ZNF440: variants seen among roughly 807,000 people sequenced by gnomAD.
The protein encoded by ZNF440 is zinc finger protein 440.
Under a neutral mutation model 49.7 loss-of-function variants are expected in ZNF440, and 47 were observed. The observed-to-expected ratio is 0.95, with a 90% CI of 0.75 to 1.21. ZNF440 has a LOEUF of 1.21. ZNF440 is among the 50% of genes most tolerant of loss of function. The probability of loss-of-function intolerance (pLI) is 0.00; values close to 1 mark genes in which losing one functional copy is unlikely to be tolerated. For synonymous variants in ZNF440, 255 were observed against 237.7 expected (o/e 1.07, Z -0.67); for missense variants, 703 against 715.0 (o/e 0.98, Z 0.19).
Position 11,815,609 on chromosome 19 carries a change from A to G in ZNF440, c.3+1159A>G, listed in dbSNP as rs146820173. Among the ~76,000 whole-genome samples, 819 of 152,198 alleles carry G rather than the reference A, an allele frequency of 5.4e-3. 3 individuals are homozygous for G. The highest frequency in any genetic ancestry group is 8.0e-3 in the Non-Finnish European group (545 of 68,012). On this transcript the variant is annotated intron_variant, in intron 1 of 3. Coordinates refer to ENST00000304060, the MANE Select transcript of ZNF440 (RefSeq NM_152357.3). ...AAAATTAAACTGAGGTACGTTAACAATTAAAGAGTTTAGGGCCGGGCGCGG... is the reference window on the plus strand; with the variant it reads ...AAAATTAAACTGAGGTACGTTAACAGTTAAAGAGTTTAGGGCCGGGCGCGG...
At position 11,832,922 on chromosome 19, in the gene ZNF440, G is replaced by A. The variant is rs1339530329; in HGVS notation, c.1746G>A (p.Leu582=). The change falls in exon 4 of 4, where the codon CTG becomes CTA. Residue 582 remains leucine (L), a synonymous_variant. Coordinates refer to ENST00000304060, the MANE Select transcript of ZNF440 (RefSeq NM_152357.3). ...GGAATGTGGGAAACCCTTCGGATCT[G>A]CCCAGAACCTTCGAATTCATGAAAG... ...HVRNVGNPSD[L]PRTFEFMKGH... is the part of the protein sequence containing the mutation. The A allele has an allele frequency of 6.2e-7, 1 of 1,610,194 alleles. No homozygotes were observed. Among genetic ancestry groups the A allele is most frequent in the Non-Finnish European group, 8.5e-7 (1 of 1,178,992 alleles).
intron 1 of ZNF440, among the ~76,000 whole-genome samples, chr19:11,823,902 C>T (rs752431896): frequency 3.3e-5 from 5 of 151,852 alleles, no homozygotes; most frequent in African/African-American, 9.7e-5. Flanking sequence ...TCCAAGGTTG[C>T]GGTAAGCCAA....
At chr19:11,821,249 C>T (rs1047684555) in intron 1 of ZNF440, among the ~76,000 whole-genome samples, 8 of 152,064 alleles carry the variant, frequency 5.3e-5, no homozygotes, top group African/African-American at 1.7e-4. Flanking sequence ...GAGTATCAGC[C>T]GGAGTCACTC....
At position 11,832,253 on chromosome 19, in the gene ZNF440, A is replaced by G. The variant is rs1222446339; in HGVS notation, c.1077A>G (p.Glu359=). ...CTGTGAATTCATTTCAAAGACATGA[A>G]AAAATTCACAGTGGAGAGAAACCCT... ...FCSVNSFQRH[E]KIHSGEKPYK... Residue 359 remains glutamate (E), a synonymous_variant, in exon 4 of 4, where the codon GAA becomes GAG. Coordinates refer to ENST00000304060, the MANE Select transcript of ZNF440 (RefSeq NM_152357.3). The G allele has an allele frequency of 2.5e-6, 4 of 1,613,978 alleles. No homozygotes were observed. Among genetic ancestry groups the G allele is most frequent in the Non-Finnish European group, 2.5e-6 (3 of 1,180,012 alleles).
In ZNF440 at chr19:11,832,859, G is replaced by T; in HGVS notation, c.1683G>T (p.Val561=). 6.2e-7 allele frequency: 1 copy of T among 1,612,698 alleles called. No individual in the cohort carries two copies. The highest frequency in any genetic ancestry group is 8.5e-7 in the Non-Finnish European group (1 of 1,178,988). ...ATCTGCCCCACACCTTTGAATACGT[G>T]GTAGGACACACAATGGAGAGAAGCC... is the stretch of plus-strand genomic sequence containing the variant. The part of the protein sequence containing the change: ...PSDLPHTFEY[V]VGHTMERSPM... Residue 561 remains valine (V), a synonymous_variant, in exon 4 of 4, where the codon GTG becomes GTT. Coordinates refer to ENST00000304060, the MANE Select transcript of ZNF440 (RefSeq NM_152357.3).
In ZNF440 at chr19:11,814,386, T is replaced by C. The variant is rs1975705213; in HGVS notation, c.-62T>C. Reference sequence around the variant, plus strand: ...GCTTCTGTCGCTCTGTAACCTGCACTGTGACCTACACTAGTCGCGGGAGCC... The same window carrying C: ...GCTTCTGTCGCTCTGTAACCTGCACCGTGACCTACACTAGTCGCGGGAGCC... On this transcript the variant is annotated 5_prime_UTR_variant, in exon 1 of 4. Coordinates refer to ENST00000304060, the MANE Select transcript of ZNF440 (RefSeq NM_152357.3). 4 of 1,538,300 alleles carry C rather than the reference T, an allele frequency of 2.6e-6. No individual in the cohort carries two copies. In the African/African-American group the frequency reaches 5.7e-5, roughly 22 times the overall value.
chr19:11,815,603 T>C (rs1462513639), intron 1 of ZNF440, among the ~76,000 whole-genome samples: 1 of 151,936 alleles, frequency 6.6e-6, no homozygotes, highest in East Asian at 1.9e-4. Context: ...CTGAGGTACG[T>C]TAACAATTAA....
intron 1 of ZNF440, among the ~76,000 whole-genome samples, chr19:11,822,956 C>T (rs1975817557): frequency 6.6e-6 from 1 of 151,784 alleles, no homozygotes. Context: ...TTCAAAGCTG[C>T]AGTGTTTAGT....
chr19:11,827,631 G>A (rs536490861), intron 1 of ZNF440: 4 of 152,324 alleles, frequency 2.6e-5, no homozygotes, highest in South Asian at 4.1e-4. Context: ...GTTTTGACAA[G>A]TGTGAAATTG....
In ZNF440 at chr19:11,835,078, C is replaced by G. The variant is rs963608273; in HGVS notation, c.*2114C>G. 6.7e-6 allele frequency: 1 copy of G among 149,704 alleles called. No individual in the cohort carries two copies. Among genetic ancestry groups the G allele is most frequent in the South Asian group, 2.1e-4 (1 of 4,720 alleles). 9.3% of individuals were successfully genotyped at this position (149,704 alleles called of 1,614,324 possible). ...TTAAAAAACACAAAAAAAGACTTGGCCTTAGGGCCGAGTGCGGTGGCTCAC... is the reference window on the plus strand; with the variant it reads ...TTAAAAAACACAAAAAAAGACTTGGGCTTAGGGCCGAGTGCGGTGGCTCAC... On this transcript the variant is annotated 3_prime_UTR_variant, in exon 4 of 4. Transcript: ENST00000304060.
chr19:11,831,137 T>G (rs535296730), intron 3 of ZNF440, among the ~76,000 whole-genome samples: 23 of 152,334 alleles, frequency 1.5e-4, no homozygotes, highest in African/African-American at 4.3e-4. Flanking sequence ...TATTTTAAAA[T>G]AGTTTACATG....
intron 1 of ZNF440, among the ~76,000 whole-genome samples, chr19:11,827,009 A>G (rs1474990018): frequency 2.0e-5 from 3 of 150,442 alleles, no homozygotes; most frequent in East Asian, 2.0e-4. Flanking sequence ...GCATCCTGTC[A>G]TATGTTTGTT....
chr19:11,831,653 T>C lies in ZNF440; in HGVS notation c.477T>C (p.Phe159=). 6.2e-7 allele frequency: 1 copy of C among 1,614,152 alleles called. No individual in the cohort carries two copies. The highest frequency in any genetic ancestry group is 8.5e-7 in the Non-Finnish European group (1 of 1,180,000). Residue 159 remains phenylalanine, a synonymous_variant, in exon 4 of 4, where the codon TTT becomes TTC. Coordinates refer to ENST00000304060, the MANE Select transcript of ZNF440 (RefSeq NM_152357.3). ...AAGCCTTCAGATACCGCCCCTCCTT[T>C]AGAACACAAGAAAGGGATCACACTG... ...PKKAFRYRPS[F]RTQERDHTGE...
At chr19:11,827,344 G>A (rs1975880023) in intron 1 of ZNF440, among the ~76,000 whole-genome samples, 1 of 152,184 alleles carries the variant, frequency 6.6e-6, no homozygotes, top group Non-Finnish European at 1.5e-5. Context: ...ATTAAGGCAT[G>A]AGCCACCGCA....
chr19:11,825,173 A>G (rs913082550), intron 1 of ZNF440, among the ~76,000 whole-genome samples: 6 of 152,068 alleles, frequency 3.9e-5, no homozygotes, highest in African/African-American at 1.4e-4. Context: ...AAAATAAAAA[A>G]TAATAAAAAA....
In ZNF440 at chr19:11,831,835, G is replaced by A; in HGVS notation, c.659G>A (p.Arg220Lys). The A allele has an allele frequency of 1.2e-6, 2 of 1,609,276 alleles. No individual in the cohort carries two copies. The highest frequency in any genetic ancestry group is 2.2e-5 in the East Asian group (1 of 44,740). Reference sequence around the variant, plus strand: ...CTCAGATTATATCTTATCCATGAAAGAATTCACACTGGAGAGAAACCATGT... The same window carrying A: ...CTCAGATTATATCTTATCCATGAAAAAATTCACACTGGAGAGAAACCATGT... ...HCLRLYLIHERIHTGEKPCEC... is the reference protein window; with the variant it reads ...HCLRLYLIHEKIHTGEKPCEC... The change falls in exon 4 of 4, where the codon AGA becomes AAA. Residue 220 changes from arginine (R) to lysine (K), a missense_variant. Physicochemically the swap from Arg to Lys is conservative, Grantham distance 26 (BLOSUM62 2). Transcript: ENST00000304060.
chr19:11,832,318 G>C lies in ZNF440; in HGVS notation c.1142G>C (p.Ser381Thr). 2 of 1,613,994 alleles carry C rather than the reference G, an allele frequency of 1.2e-6. No individual in the cohort carries two copies. The highest frequency in any genetic ancestry group is 1.7e-6 in the Non-Finnish European group (2 of 1,180,004). The change falls in exon 4 of 4, where the codon AGT becomes ACT. Residue 381 changes from serine to threonine, a missense_variant. By Grantham distance (58) the Ser-to-Thr change is moderately conservative. Coordinates refer to ENST00000304060, the MANE Select transcript of ZNF440 (RefSeq NM_152357.3). ...KQCGKAFPHS[S>T]SLRYHERTHT... ...TGTGGTAAAGCCTTCCCTCATTCCA[G>C]TTCCCTTCGATATCATGAAAGGACT...
intron 1 of ZNF440, among the ~76,000 whole-genome samples, chr19:11,815,639 T>C (rs978685078): frequency 6.6e-6 from 1 of 152,152 alleles, no homozygotes; most frequent in South Asian, 2.1e-4. Context: ...GCGCGGTGGC[T>C]CACGCCTGTA....
At chr19:11,818,570 T>TTG (rs71166633) in intron 1 of ZNF440, among the ~76,000 whole-genome samples, 56,795 of 151,750 alleles carry the variant, frequency 0.37, 10,932 homozygotes, top group African/African-American at 0.45. Context: ...ATTATTATTA[T>TTG]AGACAATATC....
Sources: allele counts gnomAD v4.1 joint callset (sites outside exome capture counted in the v4.1 genomes callset), GRCh38; gene constraint gnomAD v4.1.1; transcripts MANE v1.5; gene names NCBI Gene and HGNC (gene_info 2026-07-23, HGNC 2026-07-21).